Variants in RAB23 observed in about 807,000 individuals in gnomAD.
RAB23 encodes the protein RAB23, member RAS oncogene family, also known as ras-related protein Rab-23.
Under a neutral mutation model 30.0 loss-of-function variants are expected in RAB23, and 15 were observed. The ratio of observed to expected loss-of-function variants is 0.50; its 90% CI spans 0.33 to 0.77. The LOEUF (loss-of-function observed/expected upper bound fraction) is 0.77, where lower values mean the gene tolerates loss of function less well. Ranked by LOEUF, RAB23 falls within the 30% of genes least tolerant of loss-of-function variation. The pLI is 0.02. For synonymous variants in RAB23, 93 were observed against 94.0 expected (o/e 0.99, Z 0.06); for missense variants, 243 against 275.4 (o/e 0.88, Z 0.83).
chr6:57,192,188 A>G (rs544486538), intron 6 of RAB23, among the ~76,000 whole-genome samples: 1 of 152,282 alleles, frequency 6.6e-6, no homozygotes, highest in South Asian at 2.1e-4. Flanking sequence ...CGTTTTTCCT[A>G]CTTATACTAA....
rs1472022401 is a variant in RAB23 at position 57,188,054 on chromosome 6, C to T, written c.*2407G>A. 6.6e-6 allele frequency: 1 copy of T among 151,996 alleles called. No individual in the cohort carries two copies. The highest frequency in any genetic ancestry group is 1.9e-4 in the East Asian group (1 of 5,200). 9.4% of individuals were successfully genotyped at this position (151,996 alleles called of 1,614,324 possible). A position where few individuals can be genotyped will look rare whatever the true frequency, so the allele number is the denominator to read the frequency against. Reference sequence around the variant, plus strand: ...GTTATTCCACAGCGATATGTCTACGCAAAAGATTAGCCGTAATGTTAAAAA... The same window carrying T: ...GTTATTCCACAGCGATATGTCTACGTAAAAGATTAGCCGTAATGTTAAAAA... On this transcript the variant is annotated 3_prime_UTR_variant, in exon 7 of 7. Coordinates refer to ENST00000468148, the MANE Select transcript of RAB23 (RefSeq NM_016277.5).
chr6:57,196,230 CTTTAAT>C (rs967127885), intron 4 of RAB23, among the ~76,000 whole-genome samples: 7 of 152,022 alleles, frequency 4.6e-5, no homozygotes, highest in Non-Finnish European at 8.8e-5. Context: ...AATTTTAATC[CTTTAAT>C]TTTATCTACT....
chr6:57,219,496 A>C (rs1765977722), intron 1 of RAB23, among the ~76,000 whole-genome samples: 1 of 152,236 alleles, frequency 6.6e-6, no homozygotes. Context: ...ACACAAAGGT[A>C]AAAGAATCAG....
At chr6:57,199,480 G>A (rs192579417) in intron 3 of RAB23, among the ~76,000 whole-genome samples, 2 of 152,336 alleles carry the variant, frequency 1.3e-5, no homozygotes, top group Admixed American at 1.3e-4. Context: ...AAGGCACACA[G>A]AGGCTTAAAC....
chr6:57,191,030 G>A (rs993989103), intron 6 of RAB23, among the ~76,000 whole-genome samples: 4 of 152,176 alleles, frequency 2.6e-5, no homozygotes, highest in Non-Finnish European at 4.4e-5. Flanking sequence ...TTCATCCAAC[G>A]TAGAACACTG....
chr6:57,210,282 A>G lies in RAB23; in HGVS notation c.99T>C (p.Ile33=), dbSNP rs1765604130. 1 of 1,614,072 alleles carries G rather than the reference A, an allele frequency of 6.2e-7. No individual in the cohort carries two copies. The highest frequency in any genetic ancestry group is 8.5e-7 in the Non-Finnish European group (1 of 1,179,932). Residue 33 remains isoleucine, a synonymous_variant, in exon 2 of 7, where the codon ATT becomes ATC. Transcript: ENST00000468148. The stretch of plus-strand genomic sequence containing the variant: ...TGGTTTTCTTGTAGTCTTTTGTAAA[A>G]ATGCCTTTGCAATATCGCTGAATCA... ...SSMIQRYCKG[I]FTKDYKKTIG...
In RAB23 at chr6:57,217,925, G is replaced by A. The variant is rs116673098; in HGVS notation, c.-66+3801C>T. Among the ~76,000 whole-genome samples the A allele has an allele frequency of 3.6e-3, 544 of 152,244 alleles. 1 individual carries two copies. The highest frequency in any genetic ancestry group is 0.013 in the African/African-American group (529 of 41,554). On this transcript the variant is annotated intron_variant, in intron 1 of 6. Coordinates refer to ENST00000468148, the MANE Select transcript of RAB23 (RefSeq NM_016277.5). ...AGGGGATAGCAACATAGACTCTGCA[G>A]ACTCAAAAGGATAACGTAACAACCC...
intron 1 of RAB23, among the ~76,000 whole-genome samples, chr6:57,213,092 G>C (rs1413999080): frequency 6.6e-6 from 1 of 152,088 alleles, no homozygotes; most frequent in Non-Finnish European, 1.5e-5. Flanking sequence ...AAATCATCAG[G>C]CATTAGTTAG....
At chr6:57,195,454 G>A (rs927067817) in intron 4 of RAB23, among the ~76,000 whole-genome samples, 3 of 152,090 alleles carry the variant, frequency 2.0e-5, no homozygotes, top group African/African-American at 7.2e-5. Context: ...ATAGGCTCCC[G>A]CTATTTCTCT....
chr6:57,216,807 T>A (rs1048367948), intron 1 of RAB23, among the ~76,000 whole-genome samples: 1 of 152,072 alleles, frequency 6.6e-6, no homozygotes. Flanking sequence ...CTGTTTCAGA[T>A]GATATAAGGT....
chr6:57,190,664 C>A, intron 6 of RAB23, 64 bp from the exon 7 acceptor site: 1 of 1,555,614 alleles, frequency 6.4e-7, no homozygotes, highest in South Asian at 1.1e-5. Context: ...TTGCATCCAG[C>A]TTGTTAGTAA....
In RAB23 at chr6:57,187,393, A is replaced by G. The variant is rs886214673; in HGVS notation, c.*3068T>C. On this transcript the variant is annotated 3_prime_UTR_variant, in exon 7 of 7. Transcript: ENST00000468148. ...TTCATCTGTATGATGAGAGACTTACATGTTTTATAGCTGAAAACCTAAGGA... is the reference window on the plus strand; with the variant it reads ...TTCATCTGTATGATGAGAGACTTACGTGTTTTATAGCTGAAAACCTAAGGA... The G allele has an allele frequency of 1.3e-5, 2 of 152,184 alleles. No homozygotes were observed. Among genetic ancestry groups the G allele is most frequent in the Non-Finnish European group, 2.9e-5 (2 of 68,026 alleles). The allele number at this position is 152,184 out of a possible 1,614,324, so 9.4% of individuals were successfully genotyped here. A position where few individuals can be genotyped will look rare whatever the true frequency, so the allele number is the denominator to read the frequency against.
chr6:57,190,267 C>T lies in RAB23; in HGVS notation c.*194G>A. ...ATGTAAAAAAAATTAAAGGAGTCCA[C>T]AGGGCAATAATTTTTCCACCAGAGG... On this transcript the variant is annotated 3_prime_UTR_variant, in exon 7 of 7. Coordinates refer to ENST00000468148, the MANE Select transcript of RAB23 (RefSeq NM_016277.5). 2 of 614,266 alleles carry T rather than the reference C, an allele frequency of 3.3e-6. No individual in the cohort carries two copies. Among genetic ancestry groups the T allele is most frequent in the Non-Finnish European group, 5.6e-6 (2 of 354,760 alleles). The allele number at this position is 614,266 out of a possible 1,614,324, so 38.1% of individuals were successfully genotyped here. A position where few individuals can be genotyped will look rare whatever the true frequency, so the allele number is the denominator to read the frequency against.
At chr6:57,204,623 C>A (rs1765387104) in intron 3 of RAB23, among the ~76,000 whole-genome samples, 2 of 151,686 alleles carry the variant, frequency 1.3e-5, no homozygotes, top group Admixed American at 1.3e-4. Context: ...TTTTATGATA[C>A]CAAAGAGTAG....
At chr6:57,214,309 A>G (rs1315807852) in intron 1 of RAB23, among the ~76,000 whole-genome samples, 1 of 151,796 alleles carries the variant, frequency 6.6e-6, no homozygotes, top group Non-Finnish European at 1.5e-5. Context: ...AGCTCTTCCC[A>G]TTCTCAGTTT....
chr6:57,187,386 G>C lies in RAB23; in HGVS notation c.*3075C>G, dbSNP rs559820749. 4 of 152,246 alleles carry C rather than the reference G, an allele frequency of 2.6e-5. No individual in the cohort carries two copies. The South Asian group carries it at 8.3e-4, about 32-fold the overall frequency. The allele number at this position is 152,246 out of a possible 1,614,324, so 9.4% of individuals were successfully genotyped here. A position where few individuals can be genotyped will look rare whatever the true frequency, so the allele number is the denominator to read the frequency against. ...AAATGAATTCATCTGTATGATGAGA[G>C]ACTTACATGTTTTATAGCTGAAAAC... On this transcript the variant is annotated 3_prime_UTR_variant, in exon 7 of 7. Coordinates refer to ENST00000468148, the MANE Select transcript of RAB23 (RefSeq NM_016277.5).
At position 57,194,775 on chromosome 6, in the gene RAB23, T is replaced by C. The variant is rs768775237; in HGVS notation, c.476A>G (p.Asn159Ser). The C allele has an allele frequency of 5.6e-6, 9 of 1,609,568 alleles. No homozygotes were observed. The highest frequency in any genetic ancestry group is 7.6e-6 in the Non-Finnish European group (9 of 1,176,510). ...RTSVKEDLNVNEVFKYLAEKY... is the reference protein window; with the variant it reads ...RTSVKEDLNVSEVFKYLAEKY... ...ATCCTTTAAAGGTAATTTACCTTCA[T>C]TCACATTTAGATCTTCTTTCACTGA... is the stretch of plus-strand genomic sequence containing the variant. Residue 159 changes from asparagine to serine, a missense_variant, in exon 5 of 7, where the codon AAT becomes AGT. Coordinates refer to ENST00000468148, the MANE Select transcript of RAB23 (RefSeq NM_016277.5).
Position 57,187,974 on chromosome 6 carries a change from C to CACAG in RAB23, c.*2486_*2487insCTGT, listed in dbSNP as rs1328755316. 3 of 149,102 alleles carry CACAG rather than the reference C, an allele frequency of 2.0e-5. No homozygotes were observed. The highest frequency in any genetic ancestry group is 7.5e-5 in the African/African-American group (3 of 39,848). The allele number at this position is 149,102 out of a possible 1,614,324, so 9.2% of individuals were successfully genotyped here. A position where few individuals can be genotyped will look rare whatever the true frequency, so the allele number is the denominator to read the frequency against. On this transcript the variant is annotated 3_prime_UTR_variant, in exon 7 of 7. Transcript: ENST00000468148. ...GGGTCATTCTATATACTATTTAATT[C>CACAG]ATAGACAGAGACTGGAAAAGGAAAA...
At chr6:57,220,615 AG>A (rs746884783) in intron 1 of RAB23, among the ~76,000 whole-genome samples, 11 of 152,244 alleles carry the variant, frequency 7.2e-5, no homozygotes, top group Non-Finnish European at 1.3e-4. Context: ...GAAATCTTAA[AG>A]GCATTATGCT....
Sources: allele counts gnomAD v4.1 joint callset (sites outside exome capture counted in the v4.1 genomes callset), GRCh38; gene constraint gnomAD v4.1.1; transcripts MANE v1.5; gene names NCBI Gene and HGNC (gene_info 2026-07-23, HGNC 2026-07-21).